Variants in HTR2C observed in about 807,000 individuals in gnomAD.
HTR2C encodes 5-hydroxytryptamine (serotonin) receptor 2C, G protein-coupled.
In HTR2C, 5 loss-of-function variants were observed where a neutral mutation model predicts 21.0. The ratio of observed to expected loss-of-function variants is 0.24; its 90% CI spans 0.12 to 0.50. HTR2C has a LOEUF of 0.50. HTR2C is among the 20% of genes least tolerant of loss of function. The probability of loss-of-function intolerance (pLI) is 0.98; values close to 1 mark genes in which losing one functional copy is unlikely to be tolerated. For missense variants in HTR2C, 271 were observed against 371.2 expected (o/e 0.73, Z 2.22); for synonymous variants, 150 against 145.3 (o/e 1.03, Z -0.23).
At chrX:114,792,543 C>T (rs1176827121) in intron 4 of HTR2C, among the ~76,000 whole-genome samples, 2 of 111,594 alleles carry the variant, frequency 1.8e-5, no homozygotes, top group Non-Finnish European at 3.8e-5. Flanking sequence ...GGGTTGATCT[C>T]ATGTCTTTGG....
intron 4 of HTR2C, among the ~76,000 whole-genome samples, chrX:114,736,030 G>A (rs2069586867): frequency 9.1e-6 from 1 of 109,887 alleles, no homozygotes; most frequent in Non-Finnish European, 1.9e-5. Flanking sequence ...GGAGAACGGT[G>A]TGAACCTGGG....
intron 4 of HTR2C, among the ~76,000 whole-genome samples, chrX:114,738,616 A>G (rs934971871): frequency 1.5e-4 from 17 of 110,389 alleles, no homozygotes; most frequent in Non-Finnish European, 2.5e-4. Flanking sequence ...GGAGGGGAAC[A>G]TCACACACCG....
At chrX:114,728,708 G>T (rs1556422613) in intron 3 of HTR2C, among the ~76,000 whole-genome samples, 1 of 111,001 alleles carries the variant, frequency 9.0e-6, no homozygotes, top group Non-Finnish European at 1.9e-5. Context: ...TTTCTGACCA[G>T]TAGGGATAGG....
At chrX:114,624,571 T>C (rs1277623170) in intron 2 of HTR2C, among the ~76,000 whole-genome samples, 1 of 112,280 alleles carries the variant, frequency 8.9e-6, no homozygotes, top group African/African-American at 3.2e-5. Flanking sequence ...TTAAAATTCA[T>C]TTTGATGATT....
intron 5 of HTR2C, among the ~76,000 whole-genome samples, chrX:114,866,238 T>G (rs2071044920): frequency 9.0e-6 from 1 of 111,570 alleles, no homozygotes; most frequent in Non-Finnish European, 1.9e-5. Flanking sequence ...ATTTTTCTCT[T>G]ATGCTTCATG....
rs199670523 is a variant in HTR2C at position 114,907,551 on chromosome X, T to G, written c.*136T>G. ...TGTTTTTACATATAGCTTTGCAACC[T>G]TGTACTTTACAATCATGCCTACATT... On this transcript the variant is annotated 3_prime_UTR_variant, in exon 6 of 6. Coordinates refer to ENST00000276198, the MANE Select transcript of HTR2C (RefSeq NM_000868.4). The G allele has an allele frequency of 6.7e-5, 31 of 462,716 alleles. No homozygotes were observed. The African/African-American group carries it at 6.8e-4, about 10-fold the overall frequency. The allele number at this position is 462,716 out of a possible 1,213,427, so 38.1% of individuals were successfully genotyped here.
intron 5 of HTR2C, among the ~76,000 whole-genome samples, chrX:114,895,141 T>A (rs939668465): frequency 8.9e-6 from 1 of 112,068 alleles, no homozygotes; most frequent in Non-Finnish European, 1.9e-5. Flanking sequence ...TTGAAGCATA[T>A]AGAAAGTGTA....
intron 4 of HTR2C, among the ~76,000 whole-genome samples, chrX:114,794,303 G>A (rs973541674): frequency 1.8e-5 from 2 of 110,977 alleles, no homozygotes; most frequent in Admixed American, 9.7e-5. Context: ...TTAAGCAGCA[G>A]AATACAATCT....
At chrX:114,635,760 G>A (rs1187139421) in intron 2 of HTR2C, among the ~76,000 whole-genome samples, 1 of 111,562 alleles carries the variant, frequency 9.0e-6, no homozygotes, top group Non-Finnish European at 1.9e-5. Context: ...TGATATTGTT[G>A]TAGCCAGTTT....
intron 5 of HTR2C, among the ~76,000 whole-genome samples, chrX:114,855,719 A>T (rs1198598166): frequency 1.0e-4 from 10 of 100,292 alleles, no homozygotes; most frequent in African/African-American, 3.7e-4. Context: ...TAACAATTGC[A>T]TAGGTACTTT....
chrX:114,877,202 C>A (rs905985978), intron 5 of HTR2C, among the ~76,000 whole-genome samples: 2 of 111,157 alleles, frequency 1.8e-5, no homozygotes, highest in African/African-American at 6.5e-5. Flanking sequence ...GAAATGTATC[C>A]ATTTCTACTA....
chrX:114,836,060 C>T (rs781838641), intron 4 of HTR2C, among the ~76,000 whole-genome samples: 6 of 108,013 alleles, frequency 5.6e-5, no homozygotes, highest in Admixed American at 9.9e-5. Context: ...GCAGTCTGCC[C>T]GTTCTCAGAT....
chrX:114,883,950 G>T (rs1160721956), intron 5 of HTR2C, among the ~76,000 whole-genome samples: 1 of 109,687 alleles, frequency 9.1e-6, no homozygotes, highest in African/African-American at 3.3e-5. Context: ...CTAACCTCTG[G>T]CACGACTATT....
At chrX:114,706,457 G>A (rs868975585) in intron 2 of HTR2C, among the ~76,000 whole-genome samples, 4 of 99,328 alleles carry the variant, frequency 4.0e-5, no homozygotes, top group African/African-American at 1.5e-4. Context: ...CTATTGCAAG[G>A]AAAAAAAACC....
intron 4 of HTR2C, 56 bp downstream of exon 4, chrX:114,731,663 T>C: frequency 1.2e-6 from 1 of 862,561 alleles, no homozygotes; most frequent in Non-Finnish European, 1.6e-6. Flanking sequence ...ATTTGTGTCA[T>C]AGTAAACACT....
chrX:114,740,459 T>G (rs1556425145), intron 4 of HTR2C, among the ~76,000 whole-genome samples: 1 of 110,972 alleles, frequency 9.0e-6, no homozygotes, highest in Non-Finnish European at 1.9e-5. Flanking sequence ...AAAACTAACA[T>G]CTAAAGTGTT....
intron 2 of HTR2C, among the ~76,000 whole-genome samples, chrX:114,723,065 G>T (rs1556421072): frequency 9.0e-6 from 1 of 111,152 alleles, no homozygotes. Flanking sequence ...TTTTTCTATT[G>T]ATTGGAATAG....
At chrX:114,681,070 G>A (rs1440335485) in intron 2 of HTR2C, among the ~76,000 whole-genome samples, 1 of 111,266 alleles carries the variant, frequency 9.0e-6, no homozygotes, top group Non-Finnish European at 1.9e-5. Flanking sequence ...TAACATTGTT[G>A]ACAGCAACAT....
chrX:114,723,854 A>G (rs1319342240), intron 2 of HTR2C, among the ~76,000 whole-genome samples: 2 of 102,075 alleles, frequency 2.0e-5, no homozygotes, highest in African/African-American at 3.5e-5. Context: ...CCTGAGTTCT[A>G]GTTTGATTGC....
Sources: gnomAD v4.1 joint callset for allele counts (sites outside exome capture counted in the v4.1 genomes callset) on GRCh38, gnomAD v4.1.1 for gene constraint, MANE v1.5 for transcripts, NCBI Gene and HGNC (gene_info 2026-07-23, HGNC 2026-07-21) for gene names.